HIVEP3: variants seen among roughly 807,000 people sequenced by gnomAD.
HIVEP3 encodes the protein transcription factor HIVEP3.
In HIVEP3, 49 loss-of-function variants were observed where a neutral mutation model predicts 152.8. The observed-to-expected ratio is 0.32, with a 90% CI of 0.26 to 0.41. HIVEP3 has a LOEUF of 0.41. Ranked by LOEUF, HIVEP3 falls within the 10% of genes least tolerant of loss-of-function variation. The pLI, the probability that HIVEP3 is intolerant of heterozygous loss-of-function variation, is 1.00. For synonymous variants in HIVEP3, 1,269 were observed against 1,289.0 expected, an observed-to-expected ratio of 0.98 and a Z score of 0.33; for missense variants, 2,790 against 3,103.3, an observed-to-expected ratio of 0.90 and a Z score of 2.40.
chr1:41,686,041 T>G (rs561334877), intron 2 of HIVEP3, among the ~76,000 whole-genome samples: 94 of 152,040 alleles, frequency 6.2e-4, no homozygotes, highest in African/African-American at 1.9e-3. Context: ...ACTGTGGTTT[T>G]TTTGTTTGTT....
chr1:42,005,580 C>A (rs1165483040), intron 1 of HIVEP3, among the ~76,000 whole-genome samples: 1 of 152,126 alleles, frequency 6.6e-6, no homozygotes, highest in Admixed American at 6.5e-5. Flanking sequence ...AAGTTTCCAT[C>A]GCCCATGGAG....
chr1:41,862,121 G>T (rs1643895094), intron 1 of HIVEP3, among the ~76,000 whole-genome samples: 1 of 152,186 alleles, frequency 6.6e-6, no homozygotes, highest in African/African-American at 2.4e-5. Flanking sequence ...AAAAAGGCCA[G>T]ACCACCCAAA....
At chr1:42,012,298 C>T (rs912333080) in intron 1 of HIVEP3, among the ~76,000 whole-genome samples, 5 of 152,114 alleles carry the variant, frequency 3.3e-5, no homozygotes, top group African/African-American at 7.2e-5. Flanking sequence ...GGAGTGTTTG[C>T]GTACCCCCCA....
At chr1:41,947,620 A>G (rs1178964472) in intron 1 of HIVEP3, among the ~76,000 whole-genome samples, 2 of 152,274 alleles carry the variant, frequency 1.3e-5, no homozygotes, top group Non-Finnish European at 1.5e-5. Context: ...GTCCTAAAGA[A>G]GGCCCTAACC....
intron 1 of HIVEP3, among the ~76,000 whole-genome samples, chr1:41,718,678 G>T (rs1160950442): frequency 6.6e-6 from 1 of 152,064 alleles, no homozygotes; most frequent in Non-Finnish European, 1.5e-5. Flanking sequence ...GGTGTGTGTG[G>T]CCTGGCACGA....
rs1351840649 is a variant in HIVEP3, at chr1:41,946,348, C to CATTG, written n.120-27825_120-27824insCAAT. Among the ~76,000 whole-genome samples the CATTG allele has an allele frequency of 1.1e-4, 17 of 152,264 alleles. No homozygotes were observed. The South Asian group carries it at 3.5e-3, about 32-fold the overall frequency. ...AGCCCATGCCATCACCCTCAGAGCC[C>CATTG]CGGGTATGTTTGACCATTGAGAGCC... is the stretch of plus-strand genomic sequence containing the variant. On this transcript the variant is annotated intron_variant and non_coding_transcript_variant, in intron 1 of 3. Coordinates refer to the HIVEP3 transcript ENST00000489103.
chr1:41,629,620 G>A (rs908255163), intron 2 of HIVEP3, among the ~76,000 whole-genome samples: 7 of 152,088 alleles, frequency 4.6e-5, no homozygotes, highest in African/African-American at 1.7e-4. Context: ...CAAAGGACAC[G>A]AATAGACACT....
chr1:41,753,197 G>A (rs887106449), intron 1 of HIVEP3, among the ~76,000 whole-genome samples: 2 of 151,978 alleles, frequency 1.3e-5, no homozygotes, highest in Non-Finnish European at 2.9e-5. Flanking sequence ...TGGTAAGTAT[G>A]GAAATTGATA....
intron 1 of HIVEP3, among the ~76,000 whole-genome samples, chr1:41,759,168 G>A (rs1647509281): frequency 7.0e-6 from 1 of 143,224 alleles, no homozygotes; most frequent in African/African-American, 2.5e-5. Flanking sequence ...AGTAATTGCG[G>A]TTTTTGCCAT....
upstream of HIVEP3, among the ~76,000 whole-genome samples, chr1:41,920,580 T>A (rs775825161): frequency 8.3e-3 from 1,016 of 123,112 alleles, 4 homozygotes; most frequent in Non-Finnish European, 0.016. Flanking sequence ...CAAGATGGTT[T>A]TTTTTTTTTT....
At chr1:41,715,541 C>T (rs1646579472) in intron 1 of HIVEP3, among the ~76,000 whole-genome samples, 1 of 152,046 alleles carries the variant, frequency 6.6e-6, no homozygotes, top group African/African-American at 2.4e-5. Flanking sequence ...AACTGGGTGG[C>T]AAAAAGACAA....
intron 1 of HIVEP3, among the ~76,000 whole-genome samples, chr1:41,961,620 A>T (rs1361430290): frequency 6.6e-6 from 1 of 152,272 alleles, no homozygotes; most frequent in Admixed American, 6.5e-5. Context: ...TGCCTTGCAG[A>T]TGCATAAATG....
At chr1:41,706,410 T>C (rs1460297757) in intron 1 of HIVEP3, among the ~76,000 whole-genome samples, 1 of 152,190 alleles carries the variant, frequency 6.6e-6, no homozygotes, top group East Asian at 1.9e-4. Flanking sequence ...GCCTCCCTAA[T>C]AGCTGGGATT....
intron 2 of HIVEP3, among the ~76,000 whole-genome samples, chr1:41,641,675 C>G (rs369061015): frequency 6.6e-6 from 1 of 152,196 alleles, no homozygotes; most frequent in Non-Finnish European, 1.5e-5. Context: ...GTCGGTGAAC[C>G]AGAGCAGGCC....
At chr1:41,631,538 C>G (rs535356958) in intron 2 of HIVEP3, among the ~76,000 whole-genome samples, 1 of 152,138 alleles carries the variant, frequency 6.6e-6, no homozygotes, top group Non-Finnish European at 1.5e-5. Context: ...CTCAGAATCA[C>G]GTTTGGCAAC....
chr1:41,833,494 G>A (rs540131298), intron 1 of HIVEP3, among the ~76,000 whole-genome samples: 1 of 152,286 alleles, frequency 6.6e-6, no homozygotes, highest in South Asian at 2.1e-4. Context: ...GCTCAGAAAG[G>A]CTAAGGAATT....
intron 1 of HIVEP3, among the ~76,000 whole-genome samples, chr1:41,730,170 T>G (rs1646816408): frequency 6.6e-6 from 1 of 152,188 alleles, no homozygotes; most frequent in East Asian, 1.9e-4. Flanking sequence ...AAAGGATTCC[T>G]CTTTGTCCAT....
chr1:41,988,796 C>G (rs1645339662), intron 1 of HIVEP3, among the ~76,000 whole-genome samples: 1 of 151,946 alleles, frequency 6.6e-6, no homozygotes, highest in Non-Finnish European at 1.5e-5. Flanking sequence ...TTTATAATAG[C>G]CAAGATATGG....
At position 41,584,154 on chromosome 1, in the gene HIVEP3, G is replaced by A; in HGVS notation, c.644C>T (p.Thr215Ile). Residue 215 changes from threonine to isoleucine, a missense_variant, in exon 4 of 9, where the codon ACA becomes ATA. Transcript: ENST00000372583. This position sits in a 1 kb window ranked among gnomAD's most constrained non-coding sequence, Gnocchi z 5.2. ...SVLQKHIRSH[T>I]GERPYPCGPC... Reference sequence around the variant, plus strand: ...GCCGCAGGGGTAGGGCCTCTCACCTGTGTGTGAGCGAATGTGCTTCTGGAG... The same window carrying A: ...GCCGCAGGGGTAGGGCCTCTCACCTATGTGTGAGCGAATGTGCTTCTGGAG... The A allele has an allele frequency of 6.2e-7, 1 of 1,614,218 alleles. No homozygotes were observed. Among genetic ancestry groups the A allele is most frequent in the Non-Finnish European group, 8.5e-7 (1 of 1,180,044 alleles).
Sources: gnomAD v4.1 joint callset for allele counts (sites outside exome capture counted in the v4.1 genomes callset) on GRCh38, gnomAD v4.1.1 for gene constraint, Gnocchi (gnomAD v3.1) non-coding constraint, MANE v1.5 for transcripts, NCBI Gene and HGNC (gene_info 2026-07-23, HGNC 2026-07-21) for gene names.